Variants in SH3GL1 observed in about 807,000 individuals in gnomAD.
SH3GL1 encodes the protein SH3 domain containing GRB2 like 1, endophilin A2.
SH3GL1 carries 21 observed loss-of-function variants against 48.8 expected under a neutral mutation model. The ratio of observed to expected loss-of-function variants is 0.43; its 90% CI spans 0.30 to 0.62. The LOEUF (loss-of-function observed/expected upper bound fraction) is 0.62. Among genes scored for constraint, SH3GL1 ranks in the 20% least tolerant of loss-of-function variants. The pLI, the probability that SH3GL1 is intolerant of heterozygous loss-of-function variation, is 0.11. For missense variants in SH3GL1, 454 were observed against 503.0 expected, an observed-to-expected ratio of 0.90 and a Z score of 0.93; for synonymous variants, 282 against 217.5, an observed-to-expected ratio of 1.30 and a Z score of -2.61.
chr19:4,369,971 C>G (rs1327072239), intron 1 of SH3GL1, among the ~76,000 whole-genome samples: 3 of 152,264 alleles, frequency 2.0e-5, no homozygotes, highest in Non-Finnish European at 4.4e-5. Flanking sequence ...CAGCGCCGGC[C>G]GCAAGCGCGG....
intron 1 of SH3GL1, among the ~76,000 whole-genome samples, chr19:4,395,378 C>T (rs1031771556): frequency 6.6e-6 from 1 of 152,198 alleles, no homozygotes; most frequent in East Asian, 1.9e-4. Flanking sequence ...TCAAAGAGTT[C>T]CCTACACAGC....
intron 1 of SH3GL1, among the ~76,000 whole-genome samples, chr19:4,370,514 G>GCCCCCT: frequency 6.6e-6 from 1 of 152,256 alleles, no homozygotes; most frequent in East Asian, 1.9e-4. Context: ...GTGGGTGGGG[G>GCCCCCT]CCCCCTCCCC....
At position 4,371,180 on chromosome 19, in the gene SH3GL1, C is replaced by G. The variant is rs190387626; in HGVS notation, c.46-4186G>C. ...TTCATTAGAGTTTAGACCTTTGGCT[C>G]TCTTTGGAGGGGAGCAAGGGATGTG... On this transcript the variant is annotated intron_variant, in intron 1 of 9. Coordinates refer to ENST00000269886, the MANE Select transcript of SH3GL1 (RefSeq NM_003025.4). 1.3e-3 allele frequency among the ~76,000 whole-genome samples: 204 copies of G among 152,334 alleles called. 5 individuals carry two copies. Among genetic ancestry groups the G allele is most frequent in the African/African-American group, 4.4e-3 (182 of 41,582 alleles).
chr19:4,365,730 G>A (rs1048052201), intron 3 of SH3GL1, 105 bp from the exon 4 acceptor site: 8 of 1,500,352 alleles, frequency 5.3e-6, no homozygotes, highest in South Asian at 1.1e-5. Context: ...TCCTGTGCCT[G>A]TGGACAGCCT....
intron 1 of SH3GL1, among the ~76,000 whole-genome samples, chr19:4,398,362 A>C (rs1402948921): frequency 6.6e-6 from 1 of 151,040 alleles, no homozygotes; most frequent in African/African-American, 2.4e-5. Flanking sequence ...GACCAATAGG[A>C]TTCAACAATC....
chr19:4,380,764 A>G (rs1465950930), intron 1 of SH3GL1, among the ~76,000 whole-genome samples: 1 of 152,128 alleles, frequency 6.6e-6, no homozygotes, highest in Non-Finnish European at 1.5e-5. Context: ...ACGGTTTTCA[A>G]AATCCAAGTT....
At chr19:4,371,808 C>G (rs986197690) in intron 1 of SH3GL1, among the ~76,000 whole-genome samples, 1 of 152,172 alleles carries the variant, frequency 6.6e-6, no homozygotes, top group African/African-American at 2.4e-5. Context: ...TGCTGTGGTG[C>G]TGCACGCTGT....
chr19:4,394,329 C>T (rs1414103548), intron 1 of SH3GL1, among the ~76,000 whole-genome samples: 1 of 152,238 alleles, frequency 6.6e-6, no homozygotes, highest in Admixed American at 6.5e-5. Flanking sequence ...CTTTCACCCT[C>T]CTTAGTCCCC....
intron 1 of SH3GL1, among the ~76,000 whole-genome samples, chr19:4,377,350 C>T (rs1412760854): frequency 6.6e-6 from 1 of 152,256 alleles, no homozygotes; most frequent in African/African-American, 2.4e-5. Flanking sequence ...AGGTTCTCTA[C>T]AGAATGCGTG....
At chr19:4,364,264 A>C in intron 4 of SH3GL1, 43 bp from the exon 5 acceptor site, 1 of 1,612,492 alleles carries the variant, frequency 6.2e-7, no homozygotes. Flanking sequence ...CGGGCCTGGG[A>C]CCACTAGACT....
chr19:4,369,119 G>A (rs985820840), intron 1 of SH3GL1, among the ~76,000 whole-genome samples: 7 of 152,152 alleles, frequency 4.6e-5, no homozygotes, highest in Non-Finnish European at 8.8e-5. Flanking sequence ...CACCCACCGC[G>A]GGAGGGCTGA....
intron 1 of SH3GL1, among the ~76,000 whole-genome samples, chr19:4,369,393 C>T (rs915563442): frequency 4.6e-5 from 7 of 152,258 alleles, no homozygotes; most frequent in African/African-American, 1.4e-4. Flanking sequence ...GAACTGAAGC[C>T]AGCGGGCTGC....
intron 1 of SH3GL1, among the ~76,000 whole-genome samples, chr19:4,388,470 C>A (rs966774389): frequency 1.3e-5 from 2 of 152,116 alleles, no homozygotes; most frequent in African/African-American, 4.8e-5. Flanking sequence ...AAGGGGCCAT[C>A]CACAGGGAGA....
chr19:4,374,879 C>T (rs1213229230), intron 1 of SH3GL1, among the ~76,000 whole-genome samples: 4 of 152,130 alleles, frequency 2.6e-5, no homozygotes, highest in Non-Finnish European at 5.9e-5. Context: ...GGGGCCTAGG[C>T]TGGCCAGTGC....
intron 1 of SH3GL1, among the ~76,000 whole-genome samples, chr19:4,385,375 G>A (rs1273283612): frequency 6.6e-6 from 1 of 152,202 alleles, no homozygotes; most frequent in Non-Finnish European, 1.5e-5. Context: ...GCCACATACT[G>A]GTGCCGACCA....
At chr19:4,387,957 T>C (rs1372164287) in intron 1 of SH3GL1, among the ~76,000 whole-genome samples, 1 of 151,864 alleles carries the variant, frequency 6.6e-6, no homozygotes, top group Non-Finnish European at 1.5e-5. Flanking sequence ...CCTCCTGAGT[T>C]CAAGCGATTC....
In SH3GL1 at chr19:4,361,898, G is replaced by GGCCTCCCCTCTGCC. The variant is rs1201643602; in HGVS notation, c.911-116_911-103dup. 10 of 852,334 alleles carry GGCCTCCCCTCTGCC rather than the reference G, an allele frequency of 1.2e-5. No homozygotes were observed. The Admixed American group carries it at 2.1e-4, about 18-fold the overall frequency. 52.8% of individuals were successfully genotyped at this position (852,334 alleles called of 1,614,324 possible). A position where few individuals can be genotyped will look rare whatever the true frequency, so the allele number is the denominator to read the frequency against. ...GACCTGGAGCGTGTGGGTGGGCATG[G>GGCCTCCCCTCTGCC]GCCTCCCCTCTGCCCTGCCTGGGCC... On this transcript the variant is annotated intron_variant, in intron 9 of 9. Coordinates refer to ENST00000269886, the MANE Select transcript of SH3GL1 (RefSeq NM_003025.4).
chr19:4,364,249 C>T (rs558579561), intron 4 of SH3GL1, 28 bp from the exon 5 acceptor site: 1 of 1,613,588 alleles, frequency 6.2e-7, no homozygotes, highest in South Asian at 1.1e-5. Flanking sequence ...GGGAAGCCAT[C>T]ATACCGGGCC....
intron 4 of SH3GL1, among the ~76,000 whole-genome samples, chr19:4,364,853 C>T (rs910355811): frequency 1.6e-5 from 2 of 125,480 alleles, no homozygotes; most frequent in Non-Finnish European, 3.4e-5. Flanking sequence ...CATGCACTAC[C>T]ACACCCGGCT....
Sources: gnomAD v4.1 joint callset for allele counts (sites outside exome capture counted in the v4.1 genomes callset) on GRCh38, gnomAD v4.1.1 for gene constraint, MANE v1.5 for transcripts, NCBI Gene and HGNC (gene_info 2026-07-23, HGNC 2026-07-21) for gene names.